Variants in MAGI2 observed in about 807,000 individuals in gnomAD.
MAGI2 encodes membrane associated guanylate kinase, WW and PDZ domain containing 2, also known as membrane-associated guanylate kinase, WW and PDZ domain-containing protein 2.
Under a neutral mutation model 133.3 loss-of-function variants are expected in MAGI2, and 35 were observed. That is an observed-to-expected ratio of 0.26 (90% CI 0.20 to 0.35). The LOEUF (loss-of-function observed/expected upper bound fraction) is 0.35, where lower values mean the gene tolerates loss of function less well. Ranked by LOEUF, MAGI2 falls within the 10% of genes least tolerant of loss-of-function variation. The pLI is 1.00. For synonymous variants in MAGI2, 729 were observed against 710.6 expected (o/e 1.03, Z -0.41); for missense variants, 1,636 against 1,863.4 (o/e 0.88, Z 2.25).
intron 2 of MAGI2, among the ~76,000 whole-genome samples, chr7:78,924,773 G>A (rs980310761): frequency 2.0e-4 from 31 of 151,818 alleles, no homozygotes; most frequent in African/African-American, 5.3e-4. Flanking sequence ...AAGCCCAGTC[G>A]TCTTCTCATT....
chr7:79,222,701 C>A (rs1830528841), intron 1 of MAGI2, among the ~76,000 whole-genome samples: 1 of 151,910 alleles, frequency 6.6e-6, no homozygotes, highest in Non-Finnish European at 1.5e-5. Flanking sequence ...AGATGGCAGC[C>A]CTTTAAATAT....
At chr7:79,372,211 G>A (rs1303176849) in intron 1 of MAGI2, among the ~76,000 whole-genome samples, 2 of 152,086 alleles carry the variant, frequency 1.3e-5, no homozygotes, top group East Asian at 1.9e-4. Context: ...AGTATGGAGA[G>A]GGTTAGTGTT....
chr7:78,618,095 C>G (rs1807304079), intron 3 of MAGI2: 1 of 152,014 alleles, frequency 6.6e-6, no homozygotes, highest in Non-Finnish European at 1.5e-5. Context: ...AAACCTCTGT[C>G]ATCACATTAG....
intron 20 of MAGI2, among the ~76,000 whole-genome samples, chr7:78,123,088 C>A (rs1276984596): frequency 1.3e-5 from 2 of 152,134 alleles, no homozygotes; most frequent in African/African-American, 4.8e-5. Context: ...GCCTTCTTGA[C>A]TGACTGAAGA....
At chr7:79,236,877 C>T (rs1304345782) in intron 1 of MAGI2, among the ~76,000 whole-genome samples, 3 of 151,990 alleles carry the variant, frequency 2.0e-5, no homozygotes, top group Non-Finnish European at 4.4e-5. Context: ...TCCATCTCTA[C>T]AAAAAAATAA....
intron 4 of MAGI2, among the ~76,000 whole-genome samples, chr7:78,508,944 C>T (rs111530868): frequency 0.029 from 4,279 of 148,978 alleles, 137 homozygotes; most frequent in African/African-American, 0.077. Context: ...GGTGCAGTGG[C>T]GATCTTGGCT....
intron 2 of MAGI2, among the ~76,000 whole-genome samples, chr7:78,833,422 C>G (rs554358601): frequency 1.3e-5 from 2 of 152,276 alleles, no homozygotes; most frequent in East Asian, 3.9e-4. Flanking sequence ...GCAGTGACCC[C>G]CCTGGACTCA....
chr7:79,335,152 A>G (rs191066956), intron 1 of MAGI2, among the ~76,000 whole-genome samples: 5 of 152,294 alleles, frequency 3.3e-5, no homozygotes, highest in African/African-American at 1.2e-4. Flanking sequence ...CTAAAGCATG[A>G]AGATATTCTG....
chr7:78,363,509 A>AT (rs1562890433), intron 7 of MAGI2, among the ~76,000 whole-genome samples: 1 of 103,872 alleles, frequency 9.6e-6, no homozygotes, highest in Admixed American at 9.0e-5. Context: ...AATAATAATA[A>AT]TGATAATAAT....
chr7:78,856,466 A>T (rs1418679379), intron 2 of MAGI2, among the ~76,000 whole-genome samples: 1 of 152,204 alleles, frequency 6.6e-6, no homozygotes, highest in Non-Finnish European at 1.5e-5. Flanking sequence ...AGCTTTCTAC[A>T]TATAGCTAGC....
At chr7:78,947,124 C>A (rs1171515099) in intron 2 of MAGI2, among the ~76,000 whole-genome samples, 2 of 151,980 alleles carry the variant, frequency 1.3e-5, no homozygotes, top group Non-Finnish European at 2.9e-5. Flanking sequence ...TGGACAGTAA[C>A]TAACTCTCTT....
chr7:78,643,429 G>T (rs1810512378), intron 2 of MAGI2, among the ~76,000 whole-genome samples: 1 of 152,156 alleles, frequency 6.6e-6, no homozygotes, highest in South Asian at 2.1e-4. Context: ...GCTCTAGTTT[G>T]CCAGGTCATG....
At chr7:78,124,681 G>A (rs1049028600) in intron 20 of MAGI2, among the ~76,000 whole-genome samples, 2 of 150,468 alleles carry the variant, frequency 1.3e-5, no homozygotes, top group Non-Finnish European at 3.0e-5. Flanking sequence ...TTCATACACC[G>A]ACACACACAC....
At chr7:79,157,941 A>AGTGAGTGTGTGTGT (rs1302532517) in intron 1 of MAGI2, among the ~76,000 whole-genome samples, 13 of 134,894 alleles carry the variant, frequency 9.6e-5, no homozygotes, top group African/African-American at 4.2e-4. Flanking sequence ...TCTTTGTGTG[A>AGTGAGTGTGTGTGT]GTGTGTGTGT....
At chr7:78,727,843 C>G (rs540376091) in intron 2 of MAGI2, among the ~76,000 whole-genome samples, 5 of 152,144 alleles carry the variant, frequency 3.3e-5, no homozygotes, top group Non-Finnish European at 7.3e-5. Context: ...ATGGACCAGT[C>G]ATTATTTTAC....
At chr7:78,881,233 C>G (rs1795814483) in intron 2 of MAGI2, among the ~76,000 whole-genome samples, 1 of 152,086 alleles carries the variant, frequency 6.6e-6, no homozygotes, top group Non-Finnish European at 1.5e-5. Context: ...TAATAGACAT[C>G]TATAGACCGC....
At chr7:78,595,483 G>A (rs576998814) in intron 3 of MAGI2, among the ~76,000 whole-genome samples, 12 of 152,224 alleles carry the variant, frequency 7.9e-5, no homozygotes, top group Admixed American at 5.2e-4. Context: ...TTCACGTTTT[G>A]CCCTCTGCTA....
At chr7:78,817,078 C>T (rs1400202240) in intron 2 of MAGI2, among the ~76,000 whole-genome samples, 1 of 152,072 alleles carries the variant, frequency 6.6e-6, no homozygotes, top group African/African-American at 2.4e-5. Context: ...AAATTGAATC[C>T]AACCGTCATG....
chr7:78,776,647 T>C (rs1181234294), intron 2 of MAGI2, among the ~76,000 whole-genome samples: 3 of 152,230 alleles, frequency 2.0e-5, no homozygotes, highest in Non-Finnish European at 4.4e-5. Flanking sequence ...TTCTTTTAAA[T>C]ATGCATCACA....
Sources: allele counts gnomAD v4.1 joint callset (sites outside exome capture counted in the v4.1 genomes callset), GRCh38; gene constraint gnomAD v4.1.1; transcripts MANE v1.5; gene names NCBI Gene and HGNC (gene_info 2026-07-23, HGNC 2026-07-21).